Variants in BIRC6 observed in about 807,000 individuals in gnomAD.
BIRC6 encodes the protein dual E2 ubiquitin-conjugating enzyme/E3 ubiquitin-protein ligase BIRC6.
A neutral mutation model predicts 503.3 loss-of-function variants in BIRC6; 98 were observed. That is an observed-to-expected ratio of 0.19 (90% confidence interval 0.17 to 0.23). BIRC6 has a LOEUF of 0.23. BIRC6 is among the 10% of genes least tolerant of loss of function. BIRC6 has a pLI of 1.00. For missense variants in BIRC6, 5,360 were observed against 5,806.0 expected (o/e 0.92, Z 2.50); for synonymous variants, 2,240 against 2,078.7 (o/e 1.08, Z -2.11).
At chr2:32,514,561 A>G (rs1421211980) in intron 54 of BIRC6, among the ~76,000 whole-genome samples, 1 of 152,218 alleles carries the variant, frequency 6.6e-6, no homozygotes, top group Non-Finnish European at 1.5e-5. Context: ...AGCGATTGGC[A>G]TAATCCATGA....
At chr2:32,372,331 G>C (rs1308483943) in intron 1 of BIRC6, among the ~76,000 whole-genome samples, 3 of 152,046 alleles carry the variant, frequency 2.0e-5, no homozygotes, top group African/African-American at 7.2e-5. Flanking sequence ...TGGGACCACT[G>C]ATCTGTTCTC....
At position 32,618,553 on chromosome 2, in the gene BIRC6, A is replaced by G. The variant is rs1260806679; in HGVS notation, c.*649A>G. The G allele has an allele frequency of 6.6e-6, 1 of 152,616 alleles. No homozygotes were observed. The highest frequency in any genetic ancestry group is 2.4e-5 in the African/African-American group (1 of 41,454). The allele number at this position is 152,616 out of a possible 1,614,324, so 9.5% of individuals were successfully genotyped here. A position where few individuals can be genotyped will look rare whatever the true frequency, so the allele number is the denominator to read the frequency against. On this transcript the variant is annotated 3_prime_UTR_variant, in exon 74 of 74. Transcript: ENST00000421745. ...TAATTTTATGCCTTCTAATTCTAAG[A>G]TGCAGAAAAAAATAAATGAACATGA...
intron 36 of BIRC6, among the ~76,000 whole-genome samples, chr2:32,479,129 T>C (rs1477553825): frequency 6.6e-6 from 1 of 152,224 alleles, no homozygotes; most frequent in Non-Finnish European, 1.5e-5. Flanking sequence ...GGAAATCACT[T>C]TGCCTCATTT....
At chr2:32,606,266 G>T (rs559275163) in intron 71 of BIRC6, among the ~76,000 whole-genome samples, 1 of 152,074 alleles carries the variant, frequency 6.6e-6, no homozygotes, top group South Asian at 2.1e-4. Flanking sequence ...GTTTGGAAGT[G>T]GTCTTAGACC....
chr2:32,384,195 G>T (rs1229549499), intron 3 of BIRC6, among the ~76,000 whole-genome samples: 1 of 152,160 alleles, frequency 6.6e-6, no homozygotes, highest in African/African-American at 2.4e-5. Flanking sequence ...CATGCCCAGA[G>T]AAACTGTATC....
chr2:32,462,729 G>A (rs898805702), intron 23 of BIRC6, among the ~76,000 whole-genome samples: 6 of 152,214 alleles, frequency 3.9e-5, no homozygotes, highest in Non-Finnish European at 7.3e-5. Flanking sequence ...GCCAAGGCTA[G>A]TGGATCACTT....
At chr2:32,469,293 T>C in intron 29 of BIRC6, 102 bp from the exon 30 acceptor site, 1 of 825,216 alleles carries the variant, frequency 1.2e-6, no homozygotes, top group Non-Finnish European at 1.9e-6. Context: ...TATAATTATC[T>C]ACTGATTACT....
chr2:32,358,857 G>A lies in BIRC6; in HGVS notation c.325+1371G>A, dbSNP rs146159913. On this transcript the variant is annotated intron_variant, in intron 1 of 73. Coordinates refer to ENST00000421745, the MANE Select transcript of BIRC6 (RefSeq NM_016252.4). ...TCTTTTCTTGGCTTAGGTAAATGAT[G>A]GGGTGGCCCAGATGTAGCAGTGAAC... is the stretch of plus-strand genomic sequence containing the variant. 2.9e-3 allele frequency among the ~76,000 whole-genome samples: 438 copies of A among 152,340 alleles called. 1 individual carries two copies. Among genetic ancestry groups the A allele is most frequent in the African/African-American group, 9.8e-3 (409 of 41,586 alleles).
At chr2:32,407,414 C>T (rs1315601443) in intron 9 of BIRC6, among the ~76,000 whole-genome samples, 2 of 141,204 alleles carry the variant, frequency 1.4e-5, no homozygotes, top group African/African-American at 5.3e-5. Flanking sequence ...CATTGCACTC[C>T]AGCCTGGGCA....
intron 12 of BIRC6, 91 bp downstream of exon 12, chr2:32,431,181 C>CTTTATTTTTTTT (rs2044060115): frequency 3.1e-5 from 2 of 65,364 alleles, no homozygotes; most frequent in South Asian, 1.4e-4. Context: ...TACTGTTTAT[C>CTTTATTTTTTTT]TTTTTTTTTT....
chr2:32,436,842 G>T (rs1244167209), intron 15 of BIRC6, among the ~76,000 whole-genome samples: 1 of 6,850 alleles, frequency 1.5e-4, no homozygotes, highest in Non-Finnish European at 3.4e-4. Context: ...GGGATTACAG[G>T]CGTCAGCACC....
intron 65 of BIRC6, among the ~76,000 whole-genome samples, chr2:32,570,285 T>G (rs564835116): frequency 6.6e-6 from 1 of 152,290 alleles, no homozygotes; most frequent in South Asian, 2.1e-4. Flanking sequence ...TTATCTTTTT[T>G]TTGTTGTTTA....
rs140501577 is a variant in BIRC6 at position 32,456,176 on chromosome 2, T to C, written c.4753+2234T>C. On this transcript the variant is annotated intron_variant, in intron 23 of 73. Coordinates refer to ENST00000421745, the MANE Select transcript of BIRC6 (RefSeq NM_016252.4). ...CTAAACATCATCCTTTTGGAGTAGT[T>C]ACTTTTTGGTTTTTGTTTATTTCTT... Among the ~76,000 whole-genome samples, 618 of 152,310 alleles carry C rather than the reference T, an allele frequency of 4.1e-3. 9 individuals are homozygous for C. The highest frequency in any genetic ancestry group is 4.1e-3 in the Non-Finnish European group (278 of 68,016).
chr2:32,614,918 C>A (rs932810846), intron 73 of BIRC6, among the ~76,000 whole-genome samples: 4 of 152,114 alleles, frequency 2.6e-5, no homozygotes, highest in African/African-American at 9.7e-5. Flanking sequence ...TCTTTCTTTG[C>A]TATAAAGAAA....
intron 70 of BIRC6, among the ~76,000 whole-genome samples, chr2:32,600,794 T>TA (rs1216820290): frequency 4.6e-5 from 7 of 152,212 alleles, no homozygotes; most frequent in African/African-American, 1.7e-4. Context: ...GACTTATTTT[T>TA]AAAGTTTACA....
intron 61 of BIRC6, among the ~76,000 whole-genome samples, chr2:32,533,136 A>G (rs2056919405): frequency 6.6e-6 from 1 of 152,224 alleles, no homozygotes; most frequent in Admixed American, 6.5e-5. Flanking sequence ...GACTTGGTAG[A>G]CATACAGGTG....
chr2:32,412,945 A>G (rs556078062), intron 9 of BIRC6, among the ~76,000 whole-genome samples: 20 of 152,000 alleles, frequency 1.3e-4, no homozygotes, highest in African/African-American at 4.8e-4. Flanking sequence ...CTTTAATCAC[A>G]TTACTTTTTT....
intron 50 of BIRC6, 53 bp from the exon 51 acceptor site, chr2:32,507,927 T>C: frequency 6.6e-7 from 1 of 1,517,736 alleles, no homozygotes; most frequent in East Asian, 2.3e-5. Context: ...TAATAAACTG[T>C]TCAATCTAGT....
At chr2:32,428,538 A>C (rs2043771766) in intron 10 of BIRC6, among the ~76,000 whole-genome samples, 1 of 152,236 alleles carries the variant, frequency 6.6e-6, no homozygotes, top group South Asian at 2.1e-4. Context: ...GCCTTTCAGG[A>C]AGGGGATTTA....
Sources: allele counts gnomAD v4.1 joint callset (sites outside exome capture counted in the v4.1 genomes callset), GRCh38; gene constraint gnomAD v4.1.1; transcripts MANE v1.5; gene names NCBI Gene and HGNC (gene_info 2026-07-23, HGNC 2026-07-21).